Variants in RUVBL1 observed in about 807,000 individuals in gnomAD.
The protein encoded by RUVBL1 is RuvB like AAA ATPase 1.
Under a neutral mutation model 52.4 loss-of-function variants are expected in RUVBL1, and 4 were observed. That is an observed-to-expected ratio of 0.08 (90% CI 0.04 to 0.17). RUVBL1 has a LOEUF of 0.17. Among genes scored for constraint, RUVBL1 ranks in the 10% least tolerant of loss-of-function variants. The pLI is 1.00. For synonymous variants in RUVBL1, 217 were observed against 214.4 expected (o/e 1.01, Z -0.10); for missense variants, 298 against 572.8 (o/e 0.52, Z 4.90).
At position 128,153,569 on chromosome 3, in the gene RUVBL1, C is replaced by CGGCGCT. The variant is rs1015354110; in HGVS notation, c.-412_-407dup. On this transcript the variant is annotated 5_prime_UTR_variant, in exon 1 of 10. Transcript: ENST00000464873. ...CTGGGCCACATCGACAGCGGCAAGA[C>CGGCGCT]GGCGCTGGCGCGGGCGCTAAGCACC... 2.6e-6 allele frequency: 4 copies of CGGCGCT among 1,540,988 alleles called. No individual in the cohort carries two copies. The South Asian group carries it at 3.6e-5, about 14-fold the overall frequency.
At position 128,087,694 on chromosome 3, in the gene RUVBL1, A is replaced by C. The variant is rs753122930; in HGVS notation, c.1119+12T>G. Reference sequence around the variant, plus strand: ...TGAGAGAAGAGAGCAGGAGGGAAGAAGGGAGGCTCACCTGTTTCATTTCCT... The same window carrying C: ...TGAGAGAAGAGAGCAGGAGGGAAGACGGGAGGCTCACCTGTTTCATTTCCT... On this transcript the variant is annotated intron_variant, in intron 9 of 10. Coordinates refer to ENST00000322623, the MANE Select transcript of RUVBL1 (RefSeq NM_003707.3). 2 of 1,602,474 alleles carry C rather than the reference A, an allele frequency of 1.2e-6. No individual in the cohort carries two copies. The highest frequency in any genetic ancestry group is 2.2e-5 in the South Asian group (2 of 90,708).
intron 1 of RUVBL1, among the ~76,000 whole-genome samples, chr3:128,142,562 T>C (rs1944041735): frequency 6.6e-6 from 1 of 152,194 alleles, no homozygotes; most frequent in Non-Finnish European, 1.5e-5. Flanking sequence ...TCTTACAGTT[T>C]TGGAGGCCAG....
intron 1 of RUVBL1, among the ~76,000 whole-genome samples, chr3:128,152,174 A>G (rs1316522939): frequency 1.3e-5 from 2 of 152,092 alleles, no homozygotes; most frequent in Non-Finnish European, 2.9e-5. Context: ...ATGGCTGACA[A>G]CCTTTTTTGT....
chr3:128,076,776 G>A (rs1942340861), downstream of RUVBL1, among the ~76,000 whole-genome samples: 1 of 151,958 alleles, frequency 6.6e-6, no homozygotes, highest in African/African-American at 2.4e-5. This position sits in a 1 kb window ranked among gnomAD's most constrained non-coding sequence, Gnocchi z 6.8. Flanking sequence ...GCATCCCGCC[G>A]TGTCCCCCGT....
At chr3:128,120,835 T>C (rs1943628540) in intron 1 of RUVBL1, among the ~76,000 whole-genome samples, 1 of 152,016 alleles carries the variant, frequency 6.6e-6, no homozygotes, top group Non-Finnish European at 1.5e-5. Context: ...TTAGCCGGGA[T>C]GGTCTCAATC....
At chr3:128,128,305 TA>T (rs1282142722), upstream of RUVBL1, among the ~76,000 whole-genome samples, 1 of 152,150 alleles carries the variant, frequency 6.6e-6, no homozygotes, top group Non-Finnish European at 1.5e-5. Flanking sequence ...TTACATTAGT[TA>T]AAAGATTAGT....
In RUVBL1 at chr3:128,067,034, G is replaced by A. The variant is rs763828160; in HGVS notation, c.940-1814C>T. On this transcript the variant is annotated intron_variant, in intron 9 of 9. Coordinates refer to the RUVBL1 transcript ENST00000464873. This position sits in a 1 kb window ranked among gnomAD's most constrained non-coding sequence, Gnocchi z 4.1. ...CCTATCCCATCAAGCTCTTCTATAC[G>A]TCCAACATCCCCATCATCCTGCAGT... The A allele has an allele frequency of 9.3e-6, 15 of 1,614,032 alleles. No homozygotes were observed. Among genetic ancestry groups the A allele is most frequent in the Middle Eastern group, 1.6e-4 (1 of 6,084 alleles).
intron 2 of RUVBL1, among the ~76,000 whole-genome samples, chr3:128,116,885 T>A (rs2107712183): frequency 6.6e-6 from 1 of 152,290 alleles, no homozygotes; most frequent in South Asian, 2.1e-4. Flanking sequence ...TTTTTAAAAA[T>A]TAATTAATTT....
At chr3:128,121,135 A>G (rs1263011855) in intron 1 of RUVBL1, among the ~76,000 whole-genome samples, 1 of 151,890 alleles carries the variant, frequency 6.6e-6, no homozygotes, top group East Asian at 2.0e-4. Context: ...TCTCGCTGTC[A>G]CCCGGGCTGG....
At chr3:128,152,904 G>GCCCCCCCGCCCTCC (rs1944255515) in intron 1 of RUVBL1, among the ~76,000 whole-genome samples, 1 of 6,240 alleles carries the variant, frequency 1.6e-4, no homozygotes, top group Non-Finnish European at 2.7e-4. Flanking sequence ...ACGTCCCCCC[G>GCCCCCCCGCCCTCC]CCCTCCCCCG....
chr3:128,085,378 T>C (rs968836902), intron 9 of RUVBL1, among the ~76,000 whole-genome samples: 5 of 152,204 alleles, frequency 3.3e-5, no homozygotes, highest in Non-Finnish European at 7.3e-5. Context: ...GCAGGACACA[T>C]GGGGTTTTGG....
chr3:128,069,014 T>C (rs1163913154), intron 9 of RUVBL1: 1 of 152,848 alleles, frequency 6.5e-6, no homozygotes, highest in Non-Finnish European at 1.5e-5. Flanking sequence ...CTCTTAATAT[T>C]AAGCTGCTGG....
At chr3:128,152,708 G>T (rs1232193581) in intron 1 of RUVBL1, among the ~76,000 whole-genome samples, 1 of 152,146 alleles carries the variant, frequency 6.6e-6, no homozygotes, top group African/African-American at 2.4e-5. Flanking sequence ...CTGACTTCAA[G>T]AATGGAGCCG....
Position 128,067,233 on chromosome 3 carries a change from T to C in RUVBL1, c.940-2013A>G, listed in dbSNP as rs947051145. On this transcript the variant is annotated intron_variant, in intron 9 of 9. Transcript: ENST00000464873. This position sits in a 1 kb window ranked among gnomAD's most constrained non-coding sequence, Gnocchi z 4.1. ...TCAGTGTCTTGCTCATGAACAGATA[T>C]TTCATCCAAAGATATTTTCCATTGT... The C allele has an allele frequency of 2.9e-6, 4 of 1,388,030 alleles. No homozygotes were observed. Among genetic ancestry groups the C allele is most frequent in the Admixed American group, 3.6e-5 (2 of 55,760 alleles). The allele number at this position is 1,388,030 out of a possible 1,614,324, so 86.0% of individuals were successfully genotyped here.
upstream of RUVBL1, among the ~76,000 whole-genome samples, chr3:128,126,781 G>T (rs953565852): frequency 3.9e-5 from 6 of 152,202 alleles, no homozygotes; most frequent in African/African-American, 9.7e-5. Context: ...TAAACAGCAA[G>T]TGAGGCCTGC....
chr3:128,108,327 C>T (rs1168588189), intron 3 of RUVBL1, among the ~76,000 whole-genome samples: 3 of 152,112 alleles, frequency 2.0e-5, no homozygotes, highest in Non-Finnish European at 4.4e-5. Context: ...CTTTTCACCT[C>T]GCTGCCATCA....
Position 128,151,142 on chromosome 3 carries a change from CTATATATTCTA to C in RUVBL1, c.-40+2050_-40+2060del, listed in dbSNP as rs1391928359. 3.6e-4 allele frequency among the ~76,000 whole-genome samples: 43 copies of C among 119,300 alleles called. 1 individual carries two copies. The highest frequency in any genetic ancestry group is 9.4e-4 in the African/African-American group (29 of 30,884). The allele number at this position is 119,300 out of a possible 152,430, so 78.3% of individuals were successfully genotyped here. A position where few individuals can be genotyped will look rare whatever the true frequency, so the allele number is the denominator to read the frequency against. ...ATTCTATATATATTCTATATATATT[CTATATATTCTA>C]TATATATTCTATATATACTCTATAT... is the stretch of plus-strand genomic sequence containing the variant. On this transcript the variant is annotated intron_variant, in intron 1 of 9. Coordinates refer to the RUVBL1 transcript ENST00000464873.
chr3:128,125,557 A>G (rs747323776), upstream of RUVBL1, among the ~76,000 whole-genome samples: 19 of 152,356 alleles, frequency 1.2e-4, no homozygotes, highest in South Asian at 2.1e-4. Context: ...CATGAATTCA[A>G]TTAAGGTTCT....
chr3:128,146,007 C>G (rs1944098374), intron 1 of RUVBL1, among the ~76,000 whole-genome samples: 1 of 151,952 alleles, frequency 6.6e-6, no homozygotes, highest in South Asian at 2.1e-4. Context: ...CACGTATGTT[C>G]AAAGGTGATA....
Sources: gnomAD v4.1 joint callset for allele counts (sites outside exome capture counted in the v4.1 genomes callset) on GRCh38, gnomAD v4.1.1 for gene constraint, Gnocchi (gnomAD v3.1) non-coding constraint, MANE v1.5 for transcripts, NCBI Gene and HGNC (gene_info 2026-07-23, HGNC 2026-07-21) for gene names.